PTPRD: variants seen among roughly 807,000 people sequenced by gnomAD.
PTPRD encodes protein tyrosine phosphatase receptor type D, also known as receptor-type tyrosine-protein phosphatase delta.
PTPRD carries 34 observed loss-of-function variants against 214.5 expected under a neutral mutation model. The observed-to-expected ratio is 0.16, with a 90% CI of 0.12 to 0.21. PTPRD has a LOEUF of 0.21. Among genes scored for constraint, PTPRD ranks in the 10% least tolerant of loss-of-function variants. PTPRD has a pLI of 1.00. For missense variants in PTPRD, 2,545 were observed against 2,398.7 expected, an observed-to-expected ratio of 1.06 and a Z score of -1.27; for synonymous variants, 1,128 against 845.7, an observed-to-expected ratio of 1.33 and a Z score of -5.79.
chr9:9,448,877 T>C (rs1234829322), intron 8 of PTPRD, among the ~76,000 whole-genome samples: 2 of 152,014 alleles, frequency 1.3e-5, no homozygotes, highest in Non-Finnish European at 2.9e-5. Flanking sequence ...TGCTAATCAT[T>C]GCCTCGTCTT....
At chr9:8,764,194 G>A (rs1012062122) in intron 11 of PTPRD, among the ~76,000 whole-genome samples, 1 of 152,082 alleles carries the variant, frequency 6.6e-6, no homozygotes. Context: ...GATATGACAC[G>A]TATGTGAAAC....
At chr9:8,941,789 G>C (rs1443657916) in intron 11 of PTPRD, among the ~76,000 whole-genome samples, 1 of 127,800 alleles carries the variant, frequency 7.8e-6, no homozygotes, top group Non-Finnish European at 1.7e-5. Flanking sequence ...GATAATAAAG[G>C]TCTTGTTTGT....
At chr9:8,746,413 G>A (rs565415190) in intron 11 of PTPRD, among the ~76,000 whole-genome samples, 46 of 152,184 alleles carry the variant, frequency 3.0e-4, no homozygotes, top group Non-Finnish European at 6.3e-4. Context: ...TATCAGAGTG[G>A]CAGCGAAAAA....
At chr9:9,399,249 G>C (rs1036961345) in intron 8 of PTPRD, among the ~76,000 whole-genome samples, 1 of 151,956 alleles carries the variant, frequency 6.6e-6, no homozygotes, top group Admixed American at 6.6e-5. Context: ...AAAAGCACTG[G>C]TTTCTTAATT....
intron 7 of PTPRD, among the ~76,000 whole-genome samples, chr9:9,666,990 T>C (rs540288312): frequency 4.6e-5 from 7 of 152,116 alleles, no homozygotes; most frequent in Non-Finnish European, 1.0e-4. Flanking sequence ...ACTAAAGTCA[T>C]CGTTTCTCTT....
chr9:10,060,832 CTTCCTTCCTTCCT>C (rs1367324699), intron 3 of PTPRD, among the ~76,000 whole-genome samples: 1 of 120,716 alleles, frequency 8.3e-6, no homozygotes, highest in African/African-American at 5.2e-5. Context: ...TTCTTTCTTC[CTTCCTTCCTTCCT>C]TTCCTTTCTT....
intron 2 of PTPRD, among the ~76,000 whole-genome samples, chr9:10,491,744 G>A (rs1002554434): frequency 8.6e-5 from 13 of 151,532 alleles, no homozygotes; most frequent in African/African-American, 2.4e-4. Flanking sequence ...TTTAAGTTCC[G>A]GGATATATGT....
intron 2 of PTPRD, among the ~76,000 whole-genome samples, chr9:10,349,986 G>C (rs2097155031): frequency 6.6e-6 from 1 of 152,150 alleles, no homozygotes; most frequent in Admixed American, 6.5e-5. Flanking sequence ...TTAAATAATT[G>C]AAAGAGAAAC....
intron 3 of PTPRD, among the ~76,000 whole-genome samples, chr9:10,273,833 C>G (rs1323502): frequency 0.42 from 64,250 of 151,904 alleles, 15,186 homozygotes; most frequent in East Asian, 0.56. Flanking sequence ...TTGCTTATAT[C>G]TTGATGTACT....
intron 37 of PTPRD, among the ~76,000 whole-genome samples, chr9:8,381,194 A>G (rs1443333112): frequency 6.6e-6 from 1 of 152,214 alleles, no homozygotes; most frequent in Non-Finnish European, 1.5e-5. Context: ...CAAACAGGCT[A>G]ACATTAGATA....
chr9:10,159,449 T>C (rs2099113802), intron 3 of PTPRD, among the ~76,000 whole-genome samples: 1 of 151,670 alleles, frequency 6.6e-6, no homozygotes, highest in African/African-American at 2.4e-5. Context: ...TGGAAGCACT[T>C]TAATAGATGT....
At chr9:8,379,359 T>C (rs2221184) in intron 37 of PTPRD, among the ~76,000 whole-genome samples, 17,041 of 152,064 alleles carry the variant, frequency 0.11, 1,932 homozygotes, top group East Asian at 0.49. Context: ...CCTTTCTCGA[T>C]CTCATTCTCT....
intron 2 of PTPRD, among the ~76,000 whole-genome samples, chr9:10,422,781 C>T (rs889803460): frequency 2.6e-5 from 4 of 151,886 alleles, no homozygotes; most frequent in East Asian, 1.9e-4. Flanking sequence ...GTTAGAATGG[C>T]GATCATTAAA....
At chr9:9,584,270 A>G (rs748940499) in intron 7 of PTPRD, among the ~76,000 whole-genome samples, 4 of 151,494 alleles carry the variant, frequency 2.6e-5, no homozygotes, top group African/African-American at 4.8e-5. Flanking sequence ...AATCTACCCA[A>G]TCTCATTTAG....
chr9:8,989,957 T>C (rs922964894), intron 11 of PTPRD, among the ~76,000 whole-genome samples: 2 of 152,200 alleles, frequency 1.3e-5, no homozygotes, highest in African/African-American at 4.8e-5. Flanking sequence ...CAGTTCTCTT[T>C]ATAAGGGCTA....
chr9:10,157,064 G>A (rs978812414), intron 3 of PTPRD, among the ~76,000 whole-genome samples: 1 of 152,136 alleles, frequency 6.6e-6, no homozygotes, highest in Non-Finnish European at 1.5e-5. Flanking sequence ...GAATACCATT[G>A]CATCTTGGTT....
intron 2 of PTPRD, among the ~76,000 whole-genome samples, chr9:10,581,679 G>A (rs528626017): frequency 3.9e-5 from 6 of 152,114 alleles, no homozygotes; most frequent in South Asian, 4.1e-4. Context: ...AAGACAACTC[G>A]CTTGCTGTGT....
chr9:10,140,998 C>A (rs1271673332), intron 3 of PTPRD, among the ~76,000 whole-genome samples: 3 of 151,184 alleles, frequency 2.0e-5, no homozygotes, highest in Admixed American at 6.6e-5. Context: ...AAGACAAAAA[C>A]CACATGATTA....
intron 43 of PTPRD, among the ~76,000 whole-genome samples, chr9:8,332,780 A>C (rs188459985): frequency 1.3e-3 from 203 of 152,246 alleles, no homozygotes; most frequent in African/African-American, 4.1e-3. Context: ...TCATCAGCAG[A>C]GAGAAATAAT....
Sources: gnomAD v4.1 joint callset for allele counts (sites outside exome capture counted in the v4.1 genomes callset) on GRCh38, gnomAD v4.1.1 for gene constraint, MANE v1.5 for transcripts, NCBI Gene and HGNC (gene_info 2026-07-23, HGNC 2026-07-21) for gene names.